Variants in SDK1 observed in about 807,000 individuals in gnomAD.
SDK1 encodes the protein sidekick cell adhesion molecule 1.
In SDK1, 157 loss-of-function variants were observed where a neutral mutation model predicts 245.5. That is an observed-to-expected ratio of 0.64 (90% CI 0.56 to 0.73). The LOEUF (loss-of-function observed/expected upper bound fraction) is 0.73, where lower values mean the gene tolerates loss of function less well. SDK1 is among the 30% of genes least tolerant of loss of function. The pLI is 0.00. For synonymous variants in SDK1, 1,647 were observed against 1,278.5 expected (o/e 1.29, Z -6.15); for missense variants, 3,583 against 3,002.3 (o/e 1.19, Z -4.52).
rs138155402 is a variant in SDK1, at chr7:3,744,627, C to T, written c.714-76823C>T. Among the ~76,000 whole-genome samples, 43 of 152,084 alleles carry T rather than the reference C, an allele frequency of 2.8e-4. No homozygotes were observed. The South Asian group carries it at 6.8e-3, about 24-fold the overall frequency. ...GAGATCGAGACCATCCTGGCTAACA[C>T]GATGAAACCCCGTCTCTACTACAAA... On this transcript the variant is annotated intron_variant, in intron 4 of 44. Transcript: ENST00000404826.
At chr7:3,448,213 C>T (rs1268194849) in intron 1 of SDK1, among the ~76,000 whole-genome samples, 6 of 152,002 alleles carry the variant, frequency 3.9e-5, no homozygotes, top group South Asian at 4.1e-4. Context: ...CAAATGTGAT[C>T]GGTGAAAACT....
Position 3,656,937 on chromosome 7 carries a change from C to T in SDK1, c.713+14832C>T, listed in dbSNP as rs149566304. On this transcript the variant is annotated intron_variant, in intron 4 of 44. Coordinates refer to ENST00000404826, the MANE Select transcript of SDK1 (RefSeq NM_152744.4). ...TAATTTTTTGTATTTTTAGTAGAGACGGGGTTTCACCTTGTTAGCCAGGAT... is the reference window on the plus strand; with the variant it reads ...TAATTTTTTGTATTTTTAGTAGAGATGGGGTTTCACCTTGTTAGCCAGGAT... Among the ~76,000 whole-genome samples the T allele has an allele frequency of 1.6e-3, 244 of 151,518 alleles. 2 individuals carry two copies. Among genetic ancestry groups the T allele is most frequent in the Non-Finnish European group, 2.7e-3 (180 of 67,838 alleles).
chr7:3,540,013 C>G (rs768290107), intron 1 of SDK1, among the ~76,000 whole-genome samples: 2 of 152,298 alleles, frequency 1.3e-5, no homozygotes, highest in East Asian at 3.9e-4. Context: ...AATATCTTTA[C>G]TTTTCATTTC....
chr7:3,953,411 C>T (rs974042496), intron 7 of SDK1, among the ~76,000 whole-genome samples: 5 of 152,316 alleles, frequency 3.3e-5, no homozygotes, highest in Admixed American at 2.0e-4. Flanking sequence ...GTTGATTCTA[C>T]ATGAGAGGCC....
At chr7:3,515,040 A>G (rs1294086364) in intron 1 of SDK1, among the ~76,000 whole-genome samples, 2 of 152,122 alleles carry the variant, frequency 1.3e-5, no homozygotes, top group Non-Finnish European at 2.9e-5. Flanking sequence ...TGCCTTTGGC[A>G]CTAGAGTTCC....
At chr7:3,989,202 G>A (rs967271170) in intron 14 of SDK1, among the ~76,000 whole-genome samples, 5 of 152,178 alleles carry the variant, frequency 3.3e-5, no homozygotes, top group African/African-American at 7.2e-5. Context: ...ACAGTTCCAC[G>A]TGGCTAGGAA....
intron 5 of SDK1, among the ~76,000 whole-genome samples, chr7:3,865,040 C>T (rs562502004): frequency 9.2e-5 from 14 of 152,304 alleles, no homozygotes; most frequent in African/African-American, 3.4e-4. Flanking sequence ...AGTCTCCTAC[C>T]ACTCAGACGT....
intron 19 of SDK1, among the ~76,000 whole-genome samples, chr7:4,052,183 C>T (rs575806086): frequency 9.8e-6 from 1 of 102,206 alleles, no homozygotes; most frequent in Non-Finnish European, 2.0e-5. Flanking sequence ...CCCCCCCCGA[C>T]GTCCCCCAGC....
At chr7:3,498,528 AT>A (rs1454493044) in intron 1 of SDK1, among the ~76,000 whole-genome samples, 1 of 152,098 alleles carries the variant, frequency 6.6e-6, no homozygotes, top group Admixed American at 6.5e-5. Flanking sequence ...GGTAATAAAG[AT>A]TTATTTTACT....
chr7:3,371,141 G>T (rs902062376), intron 1 of SDK1, among the ~76,000 whole-genome samples: 2 of 152,174 alleles, frequency 1.3e-5, no homozygotes, highest in African/African-American at 4.8e-5. Flanking sequence ...GCCTCCACAT[G>T]CATTGAAGGG....
chr7:3,832,115 C>CCATAAGGTCAGTATTATCCCCTTTTTG (rs1779927306), intron 5 of SDK1, among the ~76,000 whole-genome samples: 1 of 152,036 alleles, frequency 6.6e-6, no homozygotes, highest in African/African-American at 2.4e-5. Context: ...AAACAAGAGG[C>CCATAAGGTCAGTATTATCCCCTTTTTG]CATAAGGTCA....
At chr7:4,120,832 T>A (rs1784011633) in intron 25 of SDK1, among the ~76,000 whole-genome samples, 1 of 151,780 alleles carries the variant, frequency 6.6e-6, no homozygotes, top group African/African-American at 2.4e-5. Context: ...GCCAGGCTGG[T>A]CTTGAACTCC....
intron 12 of SDK1, among the ~76,000 whole-genome samples, chr7:3,973,979 T>A (rs1306379342): frequency 6.6e-6 from 1 of 151,982 alleles, no homozygotes; most frequent in African/African-American, 2.4e-5. Flanking sequence ...GCTAGGAGTT[T>A]GAGACTAGCC....
chr7:3,801,464 C>G (rs1779105130), intron 4 of SDK1, among the ~76,000 whole-genome samples: 1 of 152,172 alleles, frequency 6.6e-6, no homozygotes, highest in African/African-American at 2.4e-5. Flanking sequence ...ATTCTGAGTT[C>G]TTACGGCTAC....
intron 4 of SDK1, among the ~76,000 whole-genome samples, chr7:3,818,334 A>T (rs1779559819): frequency 6.6e-6 from 1 of 152,238 alleles, no homozygotes; most frequent in South Asian, 2.1e-4. Flanking sequence ...TATTATGGGC[A>T]AAGTATTCAA....
intron 1 of SDK1, among the ~76,000 whole-genome samples, chr7:3,387,235 C>T (rs993927944): frequency 6.6e-6 from 1 of 152,054 alleles, no homozygotes; most frequent in Non-Finnish European, 1.5e-5. Context: ...TCCTAGTTCT[C>T]CCTTTACCTT....
intron 1 of SDK1, among the ~76,000 whole-genome samples, chr7:3,349,248 T>C (rs1200263758): frequency 1.3e-5 from 2 of 152,152 alleles, no homozygotes; most frequent in African/African-American, 4.8e-5. Context: ...TTTAGATGTA[T>C]ACCTTTGACT....
intron 1 of SDK1, among the ~76,000 whole-genome samples, chr7:3,543,873 C>T (rs1466046574): frequency 1.3e-5 from 2 of 152,174 alleles, no homozygotes; most frequent in African/African-American, 4.8e-5. Context: ...TTATTGGTTA[C>T]TTGATAGTAC....
intron 25 of SDK1, among the ~76,000 whole-genome samples, chr7:4,123,032 A>G (rs1784167843): frequency 1.3e-5 from 2 of 152,208 alleles, no homozygotes; most frequent in Non-Finnish European, 2.9e-5. Context: ...TGCAATCCCC[A>G]GGTTGCCCTC....
Sources: allele counts gnomAD v4.1 joint callset (sites outside exome capture counted in the v4.1 genomes callset), GRCh38; gene constraint gnomAD v4.1.1; transcripts MANE v1.5; gene names NCBI Gene and HGNC (gene_info 2026-07-23, HGNC 2026-07-21).